Variants in ALPK1 observed in about 807,000 individuals in gnomAD.
The protein encoded by ALPK1 is alpha-protein kinase 1.
In ALPK1, 110 loss-of-function variants were observed where a neutral mutation model predicts 120.6. That is an observed-to-expected ratio of 0.91 (90% CI 0.78 to 1.07). The LOEUF is 1.07. Among genes scored for constraint, ALPK1 ranks in the 50% least tolerant of loss-of-function variants. The pLI is 0.00. For synonymous variants in ALPK1, 582 were observed against 560.3 expected, an observed-to-expected ratio of 1.04 and a Z score of -0.55; for missense variants, 1,498 against 1,483.9, an observed-to-expected ratio of 1.01 and a Z score of -0.16.
intron 2 of ALPK1, among the ~76,000 whole-genome samples, chr4:112,350,653 T>G (rs1003220672): frequency 1.3e-5 from 2 of 152,196 alleles, no homozygotes; most frequent in Non-Finnish European, 2.9e-5. Context: ...AAAGTGATCA[T>G]GCGTTTTCAG....
rs767035700 is a variant in ALPK1 at position 112,432,586 on chromosome 4, G to T, written c.3034+5G>T. 1 of 1,606,854 alleles carries T rather than the reference G, an allele frequency of 6.2e-7. No homozygotes were observed. Among genetic ancestry groups the T allele is most frequent in the South Asian group, 1.1e-5 (1 of 90,950 alleles). On this transcript the variant is annotated splice_donor_5th_base_variant and intron_variant, in intron 11 of 15. Coordinates refer to ENST00000650871, the MANE Select transcript of ALPK1 (RefSeq NM_025144.4). The stretch of plus-strand genomic sequence containing the variant: ...GTCAACTCCACCGAGCACATAGTAA[G>T]TACAATCTTTTCAATAGTTCCCCCC...
At position 112,431,011 on chromosome 4, in the gene ALPK1, C is replaced by T. The variant is rs756074416; in HGVS notation, c.1464C>T (p.Val488=). Reference sequence around the variant, plus strand: ...AACAGAAAGATGCAAAAACAGGAGTCTGCATCACTGCTCTAAAAACAGAAA... The same window carrying T: ...AACAGAAAGATGCAAAAACAGGAGTTTGCATCACTGCTCTAAAAACAGAAA... ...KNEQKDAKTG[V]CITALKTEIK... The change falls in exon 11 of 16, where the codon GTC becomes GTT. Residue 488 remains valine (V), a synonymous_variant. Coordinates refer to ENST00000650871, the MANE Select transcript of ALPK1 (RefSeq NM_025144.4). The T allele has an allele frequency of 1.2e-6, 2 of 1,613,356 alleles. No individual in the cohort carries two copies. The highest frequency in any genetic ancestry group is 1.1e-5 in the South Asian group (1 of 90,972).
At chr4:112,318,929 G>A (rs1449370349) in intron 2 of ALPK1, among the ~76,000 whole-genome samples, 1 of 152,230 alleles carries the variant, frequency 6.6e-6, no homozygotes, top group Non-Finnish European at 1.5e-5. Context: ...ACTAATGGCA[G>A]GTAGTGCTGA....
chr4:112,301,674 T>G (rs1287713284), intron 1 of ALPK1, among the ~76,000 whole-genome samples: 1 of 152,172 alleles, frequency 6.6e-6, no homozygotes, highest in Non-Finnish European at 1.5e-5. Context: ...GGAAGAGAAA[T>G]CCTCTGGGGC....
rs1367994924 is a variant in ALPK1, at chr4:112,356,317, C to G, written c.-100-21361C>G. The stretch of plus-strand genomic sequence containing the variant: ...CCACCCTGGCCTGGCGAGAACACCT[C>G]CAAGACACCATCTTTGCCTGCAATT... On this transcript the variant is annotated intron_variant, in intron 2 of 15. Transcript: ENST00000650871. 8.7e-6 allele frequency: 8 copies of G among 919,774 alleles called. No individual in the cohort carries two copies. The East Asian group carries it at 1.4e-4, about 17-fold the overall frequency. The allele number at this position is 919,774 out of a possible 1,614,324, so 57.0% of individuals were successfully genotyped here. A position where few individuals can be genotyped will look rare whatever the true frequency, so the allele number is the denominator to read the frequency against.
At chr4:112,361,011 T>C (rs1051116499) in intron 2 of ALPK1, among the ~76,000 whole-genome samples, 1 of 151,706 alleles carries the variant, frequency 6.6e-6, no homozygotes, top group Non-Finnish European at 1.5e-5. Flanking sequence ...TATTCTCAAA[T>C]TGCACATCCA....
intron 2 of ALPK1, among the ~76,000 whole-genome samples, chr4:112,364,992 A>C (rs1442747480): frequency 6.6e-6 from 1 of 152,198 alleles, no homozygotes; most frequent in Non-Finnish European, 1.5e-5. Flanking sequence ...AAAAGCATTT[A>C]ACAAAATCCA....
intron 11 of ALPK1, among the ~76,000 whole-genome samples, chr4:112,433,829 G>A (rs73841029): frequency 2.1e-3 from 319 of 152,276 alleles, no homozygotes; most frequent in African/African-American, 3.3e-3. Flanking sequence ...CGCCACATGA[G>A]ACTCTTCTGG....
chr4:112,424,370 G>A (rs1250382122), intron 6 of ALPK1, among the ~76,000 whole-genome samples: 2 of 152,206 alleles, frequency 1.3e-5, no homozygotes, highest in Non-Finnish European at 2.9e-5. Flanking sequence ...AAGTTCAGAA[G>A]AGTCTGCTTC....
At chr4:112,432,618 A>G (rs1190646553) in intron 11 of ALPK1, 37 bp downstream of exon 11, 1 of 1,579,454 alleles carries the variant, frequency 6.3e-7, no homozygotes, top group East Asian at 2.2e-5. Context: ...CCCCTCAGGA[A>G]GCAGCTGTGT....
chr4:112,354,249 G>A (rs1232145851), intron 2 of ALPK1, among the ~76,000 whole-genome samples: 1 of 151,364 alleles, frequency 6.6e-6, no homozygotes, highest in Admixed American at 6.6e-5. Flanking sequence ...TTTTTTTCAA[G>A]CAATTAAAAA....
At chr4:112,371,243 C>G (rs984594018) in intron 2 of ALPK1, among the ~76,000 whole-genome samples, 1 of 152,172 alleles carries the variant, frequency 6.6e-6, no homozygotes, top group African/African-American at 2.4e-5. Flanking sequence ...GGCAAACCCC[C>G]ACCCTAACGT....
chr4:112,331,328 T>C (rs1400963641), intron 2 of ALPK1, among the ~76,000 whole-genome samples: 2 of 152,174 alleles, frequency 1.3e-5, no homozygotes, highest in African/African-American at 4.8e-5. Flanking sequence ...GGGGCACAAG[T>C]ATTCTGATAT....
rs551027206 is a variant in ALPK1 at position 112,310,083 on chromosome 4, G to A, written c.-152-5718G>A. Among the ~76,000 whole-genome samples, 5 of 152,094 alleles carry A rather than the reference G, an allele frequency of 3.3e-5. No homozygotes were observed. The South Asian group carries it at 1.0e-3, about 32-fold the overall frequency. ...GCCCAATGCATGACACATTGTAGGTGGACAATACAGATTTGCTAAATAAAT... is the reference window on the plus strand; with the variant it reads ...GCCCAATGCATGACACATTGTAGGTAGACAATACAGATTTGCTAAATAAAT... On this transcript the variant is annotated intron_variant, in intron 1 of 15. Transcript: ENST00000650871.
chr4:112,402,918 G>A (rs980339410), intron 4 of ALPK1, among the ~76,000 whole-genome samples: 16 of 152,098 alleles, frequency 1.1e-4, no homozygotes, highest in African/African-American at 2.4e-4. Context: ...CAGGTCAGTC[G>A]TGGGCCTAAA....
intron 2 of ALPK1, among the ~76,000 whole-genome samples, chr4:112,372,363 CCA>C (rs1200518459): frequency 1.3e-5 from 2 of 152,018 alleles, no homozygotes; most frequent in Non-Finnish European, 2.9e-5. Context: ...CAGGCGCCAG[CCA>C]CCACACCCGG....
At chr4:112,424,882 A>T (rs1734168396) in intron 6 of ALPK1, among the ~76,000 whole-genome samples, 1 of 152,108 alleles carries the variant, frequency 6.6e-6, no homozygotes, top group Non-Finnish European at 1.5e-5. Flanking sequence ...TCTATTTTTG[A>T]TGTTTGACCG....
intron 5 of ALPK1, among the ~76,000 whole-genome samples, chr4:112,423,444 T>A (rs914948791): frequency 4.6e-5 from 7 of 152,200 alleles, no homozygotes; most frequent in African/African-American, 1.7e-4. Flanking sequence ...AAAGGATAAA[T>A]AATTGTGTTT....
chr4:112,371,749 T>C (rs146444397), intron 2 of ALPK1, among the ~76,000 whole-genome samples: 1 of 152,320 alleles, frequency 6.6e-6, no homozygotes, highest in East Asian at 1.9e-4. Context: ...ATAAGTATAT[T>C]TAGTAATCGA....
Sources: allele counts gnomAD v4.1 joint callset (sites outside exome capture counted in the v4.1 genomes callset), GRCh38; gene constraint gnomAD v4.1.1; transcripts MANE v1.5; gene names NCBI Gene and HGNC (gene_info 2026-07-23, HGNC 2026-07-21).